The following CNBD1 variants were observed in gnomAD, a reference collection of about 807,000 sequenced individuals.
The protein encoded by CNBD1 is cyclic nucleotide binding domain containing 1, also known as cyclic nucleotide-binding domain-containing protein 1.
In CNBD1, 71 loss-of-function variants were observed where a neutral mutation model predicts 54.4. The ratio of observed to expected loss-of-function variants is 1.30; its 90% CI spans 1.08 to 1.59. The LOEUF is 1.59. CNBD1 is among the 40% of genes most tolerant of loss of function. The probability of loss-of-function intolerance (pLI) is 0.00; values close to 1 mark genes in which losing one functional copy is unlikely to be tolerated. For missense variants in CNBD1, 659 were observed against 518.0 expected, an observed-to-expected ratio of 1.27 and a Z score of -2.64; for synonymous variants, 182 against 170.7, an observed-to-expected ratio of 1.07 and a Z score of -0.51.
intron 1 of CNBD1, among the ~76,000 whole-genome samples, chr8:86,870,784 T>A (rs1357067530): frequency 6.6e-6 from 1 of 152,094 alleles, no homozygotes; most frequent in Non-Finnish European, 1.5e-5. Context: ...GTGGGTTGTA[T>A]AATGTATAAA....
chr8:87,333,141 A>T (rs984131157), intron 8 of CNBD1, among the ~76,000 whole-genome samples: 1 of 152,084 alleles, frequency 6.6e-6, no homozygotes, highest in Non-Finnish European at 1.5e-5. Context: ...GCAATTGTGA[A>T]TGGGAGTTCA....
intron 4 of CNBD1, among the ~76,000 whole-genome samples, chr8:87,083,248 A>G (rs1811031795): frequency 6.6e-6 from 1 of 152,302 alleles, no homozygotes; most frequent in East Asian, 1.9e-4. Context: ...TGTGGGAACA[A>G]ATTTGCACCT....
intron 1 of CNBD1, among the ~76,000 whole-genome samples, chr8:86,870,312 C>A (rs1295721037): frequency 6.6e-6 from 1 of 150,722 alleles, no homozygotes; most frequent in East Asian, 2.0e-4. Context: ...CCTCAGTCTC[C>A]TGAATATCTG....
At chr8:87,140,764 C>T (rs1180868254) in intron 4 of CNBD1, among the ~76,000 whole-genome samples, 3 of 151,954 alleles carry the variant, frequency 2.0e-5, no homozygotes, top group Admixed American at 6.6e-5. Flanking sequence ...CATGTAGAAT[C>T]GCAAACTTTA....
chr8:87,423,868 T>C (rs1807991900), intron 2 of CNBD1, among the ~76,000 whole-genome samples: 1 of 152,240 alleles, frequency 6.6e-6, no homozygotes, highest in African/African-American at 2.4e-5. Flanking sequence ...TTCCTCCTTG[T>C]ACCTCTGGTA....
intron 2 of CNBD1, among the ~76,000 whole-genome samples, chr8:87,426,074 G>A (rs879457852): frequency 2.6e-5 from 4 of 152,176 alleles, no homozygotes; most frequent in Admixed American, 6.5e-5. Context: ...GGGAGTGAAC[G>A]GATTCTCCAG....
chr8:87,347,132 G>T (rs575800898), intron 8 of CNBD1, among the ~76,000 whole-genome samples: 1 of 151,992 alleles, frequency 6.6e-6, no homozygotes, highest in Non-Finnish European at 1.5e-5. Context: ...CTTACCCACC[G>T]CCAGACAGAT....
rs180692043 is a variant in CNBD1 at position 87,311,300 on chromosome 8, A to G, written c.1042+24629A>G. ...TAAAAAGTAGACAAAAGACATAAAC[A>G]GATGCTTCTTAAAGAAGACATAAAT... is the stretch of plus-strand genomic sequence containing the variant. On this transcript the variant is annotated intron_variant, in intron 8 of 10. Transcript: ENST00000518476. Among the ~76,000 whole-genome samples the G allele has an allele frequency of 2.6e-3, 395 of 152,248 alleles. 2 individuals carry two copies. The highest frequency in any genetic ancestry group is 8.9e-3 in the African/African-American group (372 of 41,568).
chr8:87,030,447 G>GA (rs1457597071), intron 4 of CNBD1, among the ~76,000 whole-genome samples: 2 of 152,072 alleles, frequency 1.3e-5, no homozygotes, highest in Non-Finnish European at 2.9e-5. Flanking sequence ...TGAAAGATTA[G>GA]AAAAAATCAT....
At chr8:86,972,794 C>G (rs985226543) in intron 4 of CNBD1, among the ~76,000 whole-genome samples, 1 of 152,094 alleles carries the variant, frequency 6.6e-6, no homozygotes, top group African/African-American at 2.4e-5. Flanking sequence ...GTTATTATTC[C>G]CTGGTTCCTT....
chr8:86,974,590 C>T (rs1808299628), intron 4 of CNBD1, among the ~76,000 whole-genome samples: 2 of 151,978 alleles, frequency 1.3e-5, no homozygotes, highest in African/African-American at 4.8e-5. Context: ...GACAATAATA[C>T]ATGCCTATCA....
chr8:86,963,779 C>T (rs1437043816), intron 4 of CNBD1, among the ~76,000 whole-genome samples: 1 of 152,140 alleles, frequency 6.6e-6, no homozygotes, highest in Non-Finnish European at 1.5e-5. Flanking sequence ...TCCTTGATCC[C>T]TAGAATCACC....
intron 10 of CNBD1, among the ~76,000 whole-genome samples, chr8:87,361,004 G>T (rs111902340): frequency 6.6e-6 from 1 of 151,808 alleles, no homozygotes; most frequent in Admixed American, 6.6e-5. Flanking sequence ...GATGAGATAA[G>T]TTATAGCCAA....
At chr8:87,416,043 G>T (rs772412543) in intron 2 of CNBD1, among the ~76,000 whole-genome samples, 92 of 151,512 alleles carry the variant, frequency 6.1e-4, no homozygotes, top group Non-Finnish European at 1.1e-3. Flanking sequence ...GCGGAAAAAA[G>T]CTTTACTATA....
At chr8:87,335,768 G>A (rs773797451) in intron 8 of CNBD1, among the ~76,000 whole-genome samples, 4 of 152,090 alleles carry the variant, frequency 2.6e-5, no homozygotes, top group Non-Finnish European at 5.9e-5. Context: ...TGGTTATTTT[G>A]CACACTAGTA....
intron 6 of CNBD1, among the ~76,000 whole-genome samples, chr8:87,240,097 CACACACAG>C (rs1437471199): frequency 1.3e-5 from 2 of 151,334 alleles, no homozygotes; most frequent in South Asian, 4.2e-4. Flanking sequence ...CACACACACA[CACACACAG>C]ACACAAACAT....
rs1325620178 is a variant in CNBD1, at chr8:86,873,102, A to T, written c.88+6519A>T. On this transcript the variant is annotated intron_variant, in intron 1 of 10. Coordinates refer to ENST00000518476, the MANE Select transcript of CNBD1 (RefSeq NM_173538.3). ...TTGTTGTTGTTGTTGTTGTTGTTTT[A>T]GTTTTTTTTTTTTTTTGAGATGGAG... is the stretch of plus-strand genomic sequence containing the variant. Among the ~76,000 whole-genome samples the T allele has an allele frequency of 2.9e-5, 4 of 139,748 alleles. No homozygotes were observed. In the South Asian group the frequency reaches 6.8e-4, roughly 24 times the overall value. 91.7% of individuals were successfully genotyped at this position (139,748 alleles called of 152,430 possible).
intron 4 of CNBD1, among the ~76,000 whole-genome samples, chr8:87,109,309 A>C (rs1258359431): frequency 2.0e-5 from 3 of 151,956 alleles, no homozygotes; most frequent in Admixed American, 6.6e-5. Context: ...CCTTTCCTTG[A>C]CCTTTGACAT....
In CNBD1 at chr8:87,118,554, G is replaced by C. The variant is rs1811824734; in HGVS notation, c.432-87439G>C. On this transcript the variant is annotated intron_variant, in intron 4 of 10. Coordinates refer to ENST00000518476, the MANE Select transcript of CNBD1 (RefSeq NM_173538.3). ...TCAAAGGCAAGAGCAGGTTTAGTCA[G>C]TTTCTAGCGAGAGCAAAGAGGTTAG... is the stretch of plus-strand genomic sequence containing the variant. Among the ~76,000 whole-genome samples, 3 of 152,144 alleles carry C rather than the reference G, an allele frequency of 2.0e-5. No homozygotes were observed. The South Asian group carries it at 6.2e-4, about 31-fold the overall frequency.
Sources: gnomAD v4.1 joint callset for allele counts (sites outside exome capture counted in the v4.1 genomes callset) on GRCh38, gnomAD v4.1.1 for gene constraint, MANE v1.5 for transcripts, NCBI Gene and HGNC (gene_info 2026-07-23, HGNC 2026-07-21) for gene names.